KIF26B: variants seen among roughly 807,000 people sequenced by gnomAD.
KIF26B encodes kinesin-like protein KIF26B.
In KIF26B, 63 loss-of-function variants were observed where a neutral mutation model predicts 151.2. The ratio of observed to expected loss-of-function variants is 0.42; its 90% CI spans 0.34 to 0.51. KIF26B has a LOEUF of 0.51. Ranked by LOEUF, KIF26B falls within the 20% of genes least tolerant of loss-of-function variation. KIF26B has a pLI of 0.07. For synonymous variants in KIF26B, 1,357 were observed against 1,262.1 expected (o/e 1.08, Z -1.59); for missense variants, 2,813 against 2,913.6 (o/e 0.97, Z 0.79).
intron 3 of KIF26B, among the ~76,000 whole-genome samples, chr1:245,398,283 A>C (rs58608720): frequency 6.2e-4 from 94 of 152,324 alleles, no homozygotes; most frequent in African/African-American, 2.2e-3. Context: ...TCTTTGATCC[A>C]GGTGGTTCCC....
chr1:245,629,819 C>A (rs562293100), intron 9 of KIF26B, among the ~76,000 whole-genome samples: 2 of 152,140 alleles, frequency 1.3e-5, no homozygotes, highest in African/African-American at 4.8e-5. Flanking sequence ...ACCTACAAAA[C>A]GGGAGAAAGT....
chr1:245,240,260 C>G (rs574395122), intron 2 of KIF26B, among the ~76,000 whole-genome samples: 2 of 152,130 alleles, frequency 1.3e-5, no homozygotes, highest in Non-Finnish European at 2.9e-5. Flanking sequence ...CCACTTTCGC[C>G]GCTTCCATGG....
chr1:245,441,060 G>A (rs575576903), intron 4 of KIF26B, among the ~76,000 whole-genome samples: 1 of 152,166 alleles, frequency 6.6e-6, no homozygotes, highest in Non-Finnish European at 1.5e-5. Flanking sequence ...GACAGGTGAC[G>A]GCCTGGCGTT....
At chr1:245,653,254 G>C (rs1476699918) in intron 10 of KIF26B, among the ~76,000 whole-genome samples, 1 of 152,198 alleles carries the variant, frequency 6.6e-6, no homozygotes, top group Non-Finnish European at 1.5e-5. Context: ...TAGAAGGGCA[G>C]AACCGAGAGC....
In KIF26B at chr1:245,492,209, C is replaced by T. The variant is rs760874302; in HGVS notation, c.1167-48558C>T. Reference sequence around the variant, plus strand: ...ACCCTTGAAGACAAGGGCTGAGCCGCGTCAGCTCTTTCCCAAAACACAATT... The same window carrying T: ...ACCCTTGAAGACAAGGGCTGAGCCGTGTCAGCTCTTTCCCAAAACACAATT... On this transcript the variant is annotated intron_variant, in intron 4 of 14. Transcript: ENST00000407071. Among the ~76,000 whole-genome samples, 130 of 152,186 alleles carry T rather than the reference C, an allele frequency of 8.5e-4. 1 individual carries two copies. Among genetic ancestry groups the T allele is most frequent in the Non-Finnish European group, 4.6e-4 (31 of 68,038 alleles).
At chr1:245,336,979 T>G (rs972049160) in intron 2 of KIF26B, among the ~76,000 whole-genome samples, 2 of 152,134 alleles carry the variant, frequency 1.3e-5, no homozygotes, top group African/African-American at 4.8e-5. Flanking sequence ...GCCTCCTGTC[T>G]TTCTGCAGGT....
intron 2 of KIF26B, among the ~76,000 whole-genome samples, chr1:245,249,388 C>A (rs995752990): frequency 1.3e-5 from 2 of 152,048 alleles, no homozygotes; most frequent in African/African-American, 4.8e-5. Flanking sequence ...TGTGAGGCAC[C>A]GCGCCCAGCC....
chr1:245,558,391 C>G (rs745364504), intron 5 of KIF26B, among the ~76,000 whole-genome samples: 1 of 152,228 alleles, frequency 6.6e-6, no homozygotes, highest in Non-Finnish European at 1.5e-5. Flanking sequence ...CTCTCACCTT[C>G]GGGCCTTTGA....
In KIF26B at chr1:245,703,088, AAAACAACAAAAC is replaced by A. The variant is rs201823554; in HGVS notation, c.*489_*500del. 523 of 154,936 alleles carry A rather than the reference AAAACAACAAAAC, an allele frequency of 3.4e-3. 9 individuals carry two copies. Among genetic ancestry groups the A allele is most frequent in the Admixed American group, 0.031 (482 of 15,346 alleles). 9.6% of individuals were successfully genotyped at this position (154,936 alleles called of 1,614,324 possible). ...TGTACAGATGGTGCTAGTCAAGATG[AAAACAACAAAAC>A]AAACAAGAAAAACATTTTGGAAATG... is the stretch of plus-strand genomic sequence containing the variant. On this transcript the variant is annotated 3_prime_UTR_variant, in exon 15 of 15. Coordinates refer to ENST00000407071, the MANE Select transcript of KIF26B (RefSeq NM_018012.4).
chr1:245,406,214 A>T (rs528816763), intron 3 of KIF26B, among the ~76,000 whole-genome samples: 5 of 152,200 alleles, frequency 3.3e-5, no homozygotes, highest in African/African-American at 1.2e-4. Flanking sequence ...GAGAGGGGAG[A>T]TGAGTCGCCC....
intron 2 of KIF26B, among the ~76,000 whole-genome samples, chr1:245,270,727 T>A (rs1039126546): frequency 1.3e-5 from 2 of 152,208 alleles, no homozygotes; most frequent in Non-Finnish European, 2.9e-5. Context: ...CAGGTTACCT[T>A]TTCACTCTGT....
chr1:245,274,837 C>T (rs1049422220), intron 2 of KIF26B, among the ~76,000 whole-genome samples: 3 of 152,138 alleles, frequency 2.0e-5, no homozygotes, highest in Non-Finnish European at 4.4e-5. Context: ...TGGGTATATA[C>T]CCAGTAAGGG....
chr1:245,624,066 C>G (rs916455109), intron 9 of KIF26B, among the ~76,000 whole-genome samples: 3 of 152,172 alleles, frequency 2.0e-5, no homozygotes, highest in Middle Eastern at 3.4e-3. Flanking sequence ...TACTCTCCCC[C>G]CTGCTCACTC....
chr1:245,175,175 G>A (rs1668781175), intron 2 of KIF26B, among the ~76,000 whole-genome samples: 1 of 152,132 alleles, frequency 6.6e-6, no homozygotes, highest in South Asian at 2.1e-4. Flanking sequence ...TTCAGATGCT[G>A]CTGATGTGGC....
At chr1:245,403,363 A>C (rs1674052902) in intron 3 of KIF26B, among the ~76,000 whole-genome samples, 2 of 152,334 alleles carry the variant, frequency 1.3e-5, no homozygotes, top group South Asian at 4.1e-4. Flanking sequence ...TTTAAGGACT[A>C]ATCCAATTTG....
At chr1:245,415,439 A>G (rs780687711) in intron 3 of KIF26B, among the ~76,000 whole-genome samples, 1 of 152,142 alleles carries the variant, frequency 6.6e-6, no homozygotes, top group Admixed American at 6.5e-5. Context: ...ATTAGCAAGT[A>G]TCTTGGTGGC....
intron 2 of KIF26B, among the ~76,000 whole-genome samples, chr1:245,162,806 G>T (rs762746128): frequency 6.6e-6 from 1 of 152,180 alleles, no homozygotes; most frequent in Non-Finnish European, 1.5e-5. Flanking sequence ...CTTTGGAACT[G>T]CTCCAGAGCC....
intron 2 of KIF26B, among the ~76,000 whole-genome samples, chr1:245,310,107 ATCTCACTATATATAAATATC>A (rs1671638413): frequency 2.0e-5 from 3 of 148,392 alleles, no homozygotes; most frequent in African/African-American, 7.4e-5. Flanking sequence ...ATAAATATAT[ATCTCACTATATATAAATATC>A]TCTCACTATA....
At chr1:245,639,810 T>C (rs1360376959) in intron 9 of KIF26B, among the ~76,000 whole-genome samples, 1 of 151,876 alleles carries the variant, frequency 6.6e-6, no homozygotes, top group African/African-American at 2.4e-5. Flanking sequence ...TATTCTGTTG[T>C]GGTTAGAAAA....
Sources: allele counts gnomAD v4.1 joint callset (sites outside exome capture counted in the v4.1 genomes callset), GRCh38; gene constraint gnomAD v4.1.1; transcripts MANE v1.5; gene names NCBI Gene and HGNC (gene_info 2026-07-23, HGNC 2026-07-21).